MINDY2: variants seen among roughly 807,000 people sequenced by gnomAD.
The protein encoded by MINDY2 is MINDY lysine 48 deubiquitinase 2, also known as ubiquitin carboxyl-terminal hydrolase MINDY-2.
Under a neutral mutation model 68.2 loss-of-function variants are expected in MINDY2, and 52 were observed. The observed-to-expected ratio is 0.76, with a 90% confidence interval of 0.61 to 0.96. The LOEUF is 0.96. Among genes scored for constraint, MINDY2 ranks in the 40% least tolerant of loss-of-function variants. The pLI is 0.00. For missense variants in MINDY2, 881 were observed against 773.4 expected (o/e 1.14, Z -1.65); for synonymous variants, 372 against 303.0 (o/e 1.23, Z -2.36).
chr15:58,785,279 T>C (rs1184034135), intron 1 of MINDY2, among the ~76,000 whole-genome samples: 2 of 152,158 alleles, frequency 1.3e-5, no homozygotes, highest in Non-Finnish European at 2.9e-5. Context: ...CAAAGTACTT[T>C]ACTGGCTATG....
intron 2 of MINDY2, among the ~76,000 whole-genome samples, chr15:58,790,113 T>C (rs1901786335): frequency 6.6e-6 from 1 of 152,168 alleles, no homozygotes; most frequent in Non-Finnish European, 1.5e-5. Context: ...ATTCATATCA[T>C]TTAATCCCCA....
At position 58,771,409 on chromosome 15, in the gene MINDY2, C is replaced by G. The variant is rs1471120471; in HGVS notation, c.14C>G (p.Pro5Arg). 6.2e-7 allele frequency: 1 copy of G among 1,609,930 alleles called. No homozygotes were observed. The highest frequency in any genetic ancestry group is 1.7e-5 in the Admixed American group (1 of 59,694). Residue 5 changes from proline (P) to arginine (R), a missense_variant, in exon 1 of 9, where the codon CCC (proline) becomes CGC (arginine). Physicochemically the swap from Pro to Arg is moderately radical, Grantham distance 103. Coordinates refer to ENST00000559228, the MANE Select transcript of MINDY2 (RefSeq NM_001040450.3). MESS[P>R]ESLQPLEHGV... ...GGGCGGCCCGGTATGGAGAGCAGCC[C>G]CGAGAGCCTGCAGCCGCTAGAACAC...
intron 4 of MINDY2, among the ~76,000 whole-genome samples, chr15:58,818,695 C>T (rs1224138216): frequency 1.3e-5 from 2 of 148,728 alleles, no homozygotes; most frequent in Admixed American, 1.3e-4. Flanking sequence ...TTCTTGCTAC[C>T]CAGGTGTGAT....
chr15:58,847,848 T>C (rs2032612299), intron 7 of MINDY2, among the ~76,000 whole-genome samples: 1 of 152,198 alleles, frequency 6.6e-6, no homozygotes, highest in Admixed American at 6.5e-5. Flanking sequence ...CAAGAGCTGA[T>C]GATGGCTTAG....
rs1421018107 is a variant in MINDY2, at chr15:58,791,685, A to G, written c.898+3722A>G. Among the ~76,000 whole-genome samples, 14 of 147,010 alleles carry G rather than the reference A, an allele frequency of 9.5e-5. No homozygotes were observed. In the Admixed American group the frequency reaches 9.6e-4, roughly 10 times the overall value. On this transcript the variant is annotated intron_variant, in intron 2 of 8. Transcript: ENST00000559228. ...GTATGTGTGTGTGTGTAATGTGACC[A>G]AGGAACTGAATTTTTAATTTTATAT...
intron 1 of MINDY2, among the ~76,000 whole-genome samples, chr15:58,779,154 C>T (rs1567037015): frequency 6.6e-6 from 1 of 152,050 alleles, no homozygotes; most frequent in Non-Finnish European, 1.5e-5. Flanking sequence ...CTCAGCCTCC[C>T]AGAGTGCTGG....
At chr15:58,850,859 A>G (rs2032776310) in intron 7 of MINDY2, among the ~76,000 whole-genome samples, 1 of 151,138 alleles carries the variant, frequency 6.6e-6, no homozygotes, top group Non-Finnish European at 1.5e-5. Flanking sequence ...AGTTCAGGGA[A>G]TATAGGTGTG....
chr15:58,844,384 A>G (rs1474447898), intron 6 of MINDY2, among the ~76,000 whole-genome samples: 2 of 150,630 alleles, frequency 1.3e-5, no homozygotes, highest in African/African-American at 2.4e-5. Flanking sequence ...CGTCTCTACT[A>G]AAAAATACAA....
chr15:58,831,033 G>GTT (rs1294321709), intron 5 of MINDY2, among the ~76,000 whole-genome samples: 2 of 105,552 alleles, frequency 1.9e-5, no homozygotes, highest in African/African-American at 1.1e-4. Flanking sequence ...GTGTGTGTGT[G>GTT]TGTGTGTGTA....
At chr15:58,804,805 C>CAA (rs562018572) in intron 3 of MINDY2, among the ~76,000 whole-genome samples, 1 of 127,814 alleles carries the variant, frequency 7.8e-6, no homozygotes, top group South Asian at 2.5e-4. Context: ...GACCCTGTTA[C>CAA]AAAAAAAAAA....
chr15:58,785,721 G>C (rs1253614161), intron 1 of MINDY2, among the ~76,000 whole-genome samples: 3 of 152,000 alleles, frequency 2.0e-5, no homozygotes, highest in Non-Finnish European at 4.4e-5. Flanking sequence ...CTGTCACCCA[G>C]GCTGGAGCGT....
Position 58,802,323 on chromosome 15 carries a change from G to A in MINDY2, c.909G>A (p.Met303Ile). Residue 303 changes from methionine to isoleucine, a missense_variant, in exon 3 of 9, where the codon ATG becomes ATA. Physicochemically the swap from Met to Ile is conservative, Grantham distance 10. Transcript: ENST00000559228. ...TTTTTTTTTTTACAGGAGATTACAT[G>A]CTTGATGCAAAGCCAAAAGAAATTT... is the stretch of plus-strand genomic sequence containing the variant. ...EQLMEYLGDY[M>I]LDAKPKEISE... 6.3e-7 allele frequency: 1 copy of A among 1,575,402 alleles called. No individual in the cohort carries two copies. The highest frequency in any genetic ancestry group is 8.6e-7 in the Non-Finnish European group (1 of 1,162,054).
In MINDY2 at chr15:58,858,289, C is replaced by A. The variant is rs1405177851; in HGVS notation, c.*3679C>A. Reference sequence around the variant, plus strand: ...TGTCTCACATTTCTGATATTGACTACTTATCCCATATTCTGTTTCAAATTC... The same window carrying A: ...TGTCTCACATTTCTGATATTGACTAATTATCCCATATTCTGTTTCAAATTC... On this transcript the variant is annotated 3_prime_UTR_variant, in exon 9 of 9. Coordinates refer to ENST00000559228, the MANE Select transcript of MINDY2 (RefSeq NM_001040450.3). The A allele has an allele frequency of 6.6e-6, 1 of 152,120 alleles. No individual in the cohort carries two copies. The highest frequency in any genetic ancestry group is 1.5e-5 in the Non-Finnish European group (1 of 67,992). The allele number at this position is 152,120 out of a possible 1,614,324, so 9.4% of individuals were successfully genotyped here.
chr15:58,794,361 GTGTGTGTGTGTGT>G (rs1902143571), intron 2 of MINDY2, among the ~76,000 whole-genome samples: 3 of 118,002 alleles, frequency 2.5e-5, no homozygotes, highest in Admixed American at 2.4e-4. Context: ...TTTTTGGGGT[GTGTGTGTGTGTGT>G]GTGTGTGTGT....
At chr15:58,791,807 T>C (rs1446552788) in intron 2 of MINDY2, among the ~76,000 whole-genome samples, 4 of 151,946 alleles carry the variant, frequency 2.6e-5, no homozygotes. Context: ...ACAACATATA[T>C]AAACAGTAGT....
Position 58,860,814 on chromosome 15 carries a change from A to G in MINDY2, c.*6204A>G, listed in dbSNP as rs1246521979. 1 of 152,160 alleles carries G rather than the reference A, an allele frequency of 6.6e-6. No individual in the cohort carries two copies. Among genetic ancestry groups the G allele is most frequent in the Non-Finnish European group, 1.5e-5 (1 of 68,030 alleles). The allele number at this position is 152,160 out of a possible 1,614,324, so 9.4% of individuals were successfully genotyped here. Reference sequence around the variant, plus strand: ...CTTGTATGTCTCTCAATTTTGTCAGAATTTTTATTATTGTTTTTCACATAT... The same window carrying G: ...CTTGTATGTCTCTCAATTTTGTCAGGATTTTTATTATTGTTTTTCACATAT... On this transcript the variant is annotated 3_prime_UTR_variant, in exon 9 of 9. Transcript: ENST00000559228.
chr15:58,811,266 C>T (rs1204831859), intron 4 of MINDY2, among the ~76,000 whole-genome samples: 4 of 152,178 alleles, frequency 2.6e-5, no homozygotes, highest in African/African-American at 9.7e-5. Flanking sequence ...AAAAGGCACC[C>T]CCATATATCC....
chr15:58,819,790 A>C (rs1206555336), intron 4 of MINDY2, among the ~76,000 whole-genome samples: 1 of 152,186 alleles, frequency 6.6e-6, no homozygotes, highest in East Asian at 1.9e-4. Flanking sequence ...TGTGCCCTCA[A>C]ATTGTTTCTT....
chr15:58,784,115 C>T (rs1901330199), intron 1 of MINDY2, among the ~76,000 whole-genome samples: 1 of 151,926 alleles, frequency 6.6e-6, no homozygotes, highest in Non-Finnish European at 1.5e-5. Context: ...TGCTTGAGGC[C>T]AGGAGTTCAA....
Sources: gnomAD v4.1 joint callset for allele counts (sites outside exome capture counted in the v4.1 genomes callset) on GRCh38, gnomAD v4.1.1 for gene constraint, MANE v1.5 for transcripts, NCBI Gene and HGNC (gene_info 2026-07-23, HGNC 2026-07-21) for gene names.